ADGRL3: variants seen among roughly 807,000 people sequenced by gnomAD.
ADGRL3 encodes calcium-independent alpha-latrotoxin receptor 3.
ADGRL3 carries 62 observed loss-of-function variants against 153.5 expected under a neutral mutation model. That is an observed-to-expected ratio of 0.40 (90% confidence interval 0.33 to 0.50). The LOEUF (loss-of-function observed/expected upper bound fraction) is 0.50, where lower values mean the gene tolerates loss of function less well. ADGRL3 is among the 20% of genes least tolerant of loss of function. The pLI, the probability that ADGRL3 is intolerant of heterozygous loss-of-function variation, is 0.47. For missense variants in ADGRL3, 1,641 were observed against 1,859.4 expected, an observed-to-expected ratio of 0.88 and a Z score of 2.16; for synonymous variants, 710 against 672.5, an observed-to-expected ratio of 1.06 and a Z score of -0.86.
At chr4:61,226,285 A>T (rs1434342250) in intron 1 of ADGRL3, among the ~76,000 whole-genome samples, 1 of 152,180 alleles carries the variant, frequency 6.6e-6, no homozygotes, top group African/African-American at 2.4e-5. Flanking sequence ...ATTAATGACT[A>T]CTTTTTAAAA....
chr4:61,384,806 A>T lies in ADGRL3; in HGVS notation c.-174+1617A>T, dbSNP rs2096717207. Among the ~76,000 whole-genome samples, 5 of 152,030 alleles carry T rather than the reference A, an allele frequency of 3.3e-5. No homozygotes were observed. In the South Asian group the frequency reaches 1.0e-3, roughly 31 times the overall value. ...CAAGGGTGAAACTTGCAAACATTATACTAACTGAAAAAGACACACACAAAA... is the reference window on the plus strand; with the variant it reads ...CAAGGGTGAAACTTGCAAACATTATTCTAACTGAAAAAGACACACACAAAA... On this transcript the variant is annotated intron_variant, in intron 2 of 26. Transcript: ENST00000683033.
chr4:61,333,516 AT>A (rs2095614560), intron 1 of ADGRL3, among the ~76,000 whole-genome samples: 1 of 152,132 alleles, frequency 6.6e-6, no homozygotes, highest in Admixed American at 6.6e-5. Flanking sequence ...ACTTATTTAA[AT>A]TTTTAGTTTT....
chr4:61,861,764 A>G (rs1427696078), intron 9 of ADGRL3, among the ~76,000 whole-genome samples: 1 of 152,086 alleles, frequency 6.6e-6, no homozygotes, highest in Non-Finnish European at 1.5e-5. Flanking sequence ...AGATTTGAAG[A>G]TTGGAGGTGA....
chr4:61,422,987 T>G (rs1273733530), intron 2 of ADGRL3, among the ~76,000 whole-genome samples: 1 of 152,124 alleles, frequency 6.6e-6, no homozygotes, highest in African/African-American at 2.4e-5. Context: ...TGATTAATTC[T>G]TAGCCTTAGA....
intron 6 of ADGRL3, among the ~76,000 whole-genome samples, chr4:61,710,035 A>G (rs1037890073): frequency 1.3e-5 from 2 of 152,178 alleles, no homozygotes; most frequent in Admixed American, 6.5e-5. Context: ...AAACATACTT[A>G]TTATTTGTAA....
intron 1 of ADGRL3, among the ~76,000 whole-genome samples, chr4:61,340,921 A>G (rs1466663392): frequency 6.6e-6 from 1 of 151,918 alleles, no homozygotes; most frequent in Non-Finnish European, 1.5e-5. Flanking sequence ...AAACTATTGA[A>G]TAAATATTAA....
At chr4:61,802,361 G>C (rs1442965945) in intron 8 of ADGRL3, among the ~76,000 whole-genome samples, 1 of 152,064 alleles carries the variant, frequency 6.6e-6, no homozygotes, top group Non-Finnish European at 1.5e-5. Flanking sequence ...AGTGAGGCTT[G>C]CTTCAGAACT....
At chr4:61,731,149 C>G (rs1223437669) in intron 7 of ADGRL3, among the ~76,000 whole-genome samples, 1 of 151,896 alleles carries the variant, frequency 6.6e-6, no homozygotes, top group African/African-American at 2.4e-5. Context: ...TTCTTACAAT[C>G]AATATTATTA....
chr4:61,522,429 A>G (rs1255424096), intron 4 of ADGRL3, among the ~76,000 whole-genome samples: 2 of 152,128 alleles, frequency 1.3e-5, no homozygotes, highest in Non-Finnish European at 2.9e-5. Context: ...TAATGTTCTC[A>G]TTGATTAAGA....
intron 2 of ADGRL3, among the ~76,000 whole-genome samples, chr4:61,495,685 C>T (rs935784664): frequency 2.0e-5 from 3 of 152,076 alleles, no homozygotes; most frequent in African/African-American, 7.2e-5. Context: ...GAAGAGGAGG[C>T]AACTACACTA....
chr4:61,416,376 G>A (rs1372494119), intron 2 of ADGRL3, among the ~76,000 whole-genome samples: 2 of 150,474 alleles, frequency 1.3e-5, no homozygotes, highest in Non-Finnish European at 1.5e-5. Context: ...CAATTGGACT[G>A]ACATATTTTT....
At chr4:62,011,939 T>C (rs2099188473) in intron 21 of ADGRL3, among the ~76,000 whole-genome samples, 1 of 152,094 alleles carries the variant, frequency 6.6e-6, no homozygotes, top group African/African-American at 2.4e-5. Context: ...GAATACATTT[T>C]TTTTTCCTAA....
In ADGRL3 at chr4:61,892,750, G is replaced by T. The variant is rs145773574; in HGVS notation, c.1575G>T (p.Pro525=). The T allele has an allele frequency of 4.2e-5, 68 of 1,613,774 alleles. No homozygotes were observed. In the African/African-American group the frequency reaches 6.5e-4, roughly 16 times the overall value. Residue 525 remains proline (P), a synonymous_variant, in exon 10 of 27, where the codon CCG becomes CCT. Transcript: ENST00000683033. The stretch of plus-strand genomic sequence containing the variant: ...TGAGCCCAGGAAGGAGTACCACCCC[G>T]TCAGTGTCAGGAAGAAGAAACCGGA... ...TTLSPGRSTT[P]SVSGRRNRST... is the part of the protein sequence containing the mutation.
intron 1 of ADGRL3, among the ~76,000 whole-genome samples, chr4:61,340,702 C>T (rs970766126): frequency 5.3e-5 from 8 of 151,946 alleles, no homozygotes; most frequent in Middle Eastern, 3.2e-3. Flanking sequence ...TCCTTTAAAG[C>T]CTCTTTTGAA....
chr4:61,427,731 C>A (rs6821028), intron 2 of ADGRL3: 60,073 of 152,640 alleles, frequency 0.39, 12,380 homozygotes, highest in Middle Eastern at 0.57. Context: ...CCCAGGCCCA[C>A]ACTAGTGGCA....
intron 1 of ADGRL3, among the ~76,000 whole-genome samples, chr4:61,296,744 ATT>A (rs2094426312): frequency 1.3e-5 from 2 of 152,158 alleles, no homozygotes; most frequent in Admixed American, 6.6e-5. Flanking sequence ...AAGATATGAT[ATT>A]GTGTACCTTT....
At chr4:61,601,199 C>T (rs950893053) in intron 5 of ADGRL3, among the ~76,000 whole-genome samples, 7 of 152,058 alleles carry the variant, frequency 4.6e-5, no homozygotes, top group African/African-American at 9.7e-5. Context: ...TATGTGTTAC[C>T]GAATGCGCCA....
chr4:61,669,179 CATG>C (rs2094908283), intron 5 of ADGRL3, among the ~76,000 whole-genome samples: 1 of 152,088 alleles, frequency 6.6e-6, no homozygotes, highest in Non-Finnish European at 1.5e-5. Flanking sequence ...TATTTTTAAT[CATG>C]ATTAATGTTT....
intron 1 of ADGRL3, among the ~76,000 whole-genome samples, chr4:61,263,571 A>G (rs1460662386): frequency 6.6e-6 from 1 of 152,018 alleles, no homozygotes; most frequent in Non-Finnish European, 1.5e-5. Flanking sequence ...ACTCATTTCA[A>G]TAGAATGTCT....
Sources: allele counts gnomAD v4.1 joint callset (sites outside exome capture counted in the v4.1 genomes callset), GRCh38; gene constraint gnomAD v4.1.1; transcripts MANE v1.5; gene names NCBI Gene and HGNC (gene_info 2026-07-23, HGNC 2026-07-21).